SYNDIG1L: variants seen among roughly 807,000 people sequenced by gnomAD.
SYNDIG1L encodes synapse differentiation inducing 1 like, also known as synapse differentiation-inducing gene protein 1-like.
A neutral mutation model predicts 20.1 loss-of-function variants in SYNDIG1L; 13 were observed. That is an observed-to-expected ratio of 0.65 (90% CI 0.42 to 1.03). SYNDIG1L has a LOEUF of 1.03. SYNDIG1L is among the 50% of genes least tolerant of loss of function. The pLI is 0.00. For missense variants in SYNDIG1L, 294 were observed against 305.1 expected (o/e 0.96, Z 0.27); for synonymous variants, 128 against 129.3 (o/e 0.99, Z 0.07).
the SYNDIG1L span, among the ~76,000 whole-genome samples, chr14:74,472,975 C>T: frequency 5.3e-5 from 8 of 152,006 alleles, no homozygotes; most frequent in African/African-American, 1.5e-4. Flanking sequence ...ACACTAGGGT[C>T]GGGACATCAC....
In SYNDIG1L at chr14:74,409,372, G is replaced by T. The variant is rs1205310107; in HGVS notation, c.373C>A (p.Gln125Lys). Residue 125 changes from glutamine to lysine, a missense_variant, in exon 2 of 4, where the codon CAA becomes AAA. Transcript: ENST00000331628. ...TCCTCCTGGTCCCGCAGCTCCTCTT[G>T]TACCCCATAGGACACAGTCTGGATG... ...VTIQTVSYGV[Q>K]EELRDQEDDQ... 1 of 1,600,254 alleles carries T rather than the reference G, an allele frequency of 6.2e-7. No individual in the cohort carries two copies. Among genetic ancestry groups the T allele is most frequent in the African/African-American group, 1.3e-5 (1 of 74,236 alleles).
At chr14:74,463,855 ACCTGATCAG>A in the SYNDIG1L span, among the ~76,000 whole-genome samples, 3 of 152,202 alleles carry the variant, frequency 2.0e-5, no homozygotes, top group East Asian at 5.8e-4. Flanking sequence ...GCAACGTGCA[ACCTGATCAG>A]CCTGCTTTAG....
chr14:74,449,436 T>TAA, the SYNDIG1L span, among the ~76,000 whole-genome samples: 1 of 8,256 alleles, frequency 1.2e-4, no homozygotes. Context: ...ATCCTGTCTT[T>TAA]ACAAAAAAAA....
chr14:74,413,971 A>G (rs2086154488), intron 1 of SYNDIG1L, among the ~76,000 whole-genome samples: 1 of 152,232 alleles, frequency 6.6e-6, no homozygotes, highest in Non-Finnish European at 1.5e-5. Flanking sequence ...GAGACCCAGC[A>G]CAGATTCCTG....
chr14:74,468,919 C>T, the SYNDIG1L span, among the ~76,000 whole-genome samples: 2 of 152,220 alleles, frequency 1.3e-5, no homozygotes, highest in African/African-American at 4.8e-5. Flanking sequence ...AATAACCTCA[C>T]TGTATCTTGT....
At chr14:74,411,082 C>T (rs1935869867) in intron 1 of SYNDIG1L, among the ~76,000 whole-genome samples, 1 of 152,216 alleles carries the variant, frequency 6.6e-6, no homozygotes, top group African/African-American at 2.4e-5. Context: ...CAGGGACCTC[C>T]TGCTGTCCCC....
chr14:74,471,372 G>C, the SYNDIG1L span, among the ~76,000 whole-genome samples: 2 of 152,110 alleles, frequency 1.3e-5, no homozygotes, highest in Admixed American at 6.5e-5. Context: ...TGAAGCGGGT[G>C]GATCACTTGA....
chr14:74,476,721 C>A, the SYNDIG1L span: 1 of 658,534 alleles, frequency 1.5e-6, no homozygotes, highest in African/African-American at 1.8e-5. Flanking sequence ...TCCTGGTCTC[C>A]ACCCTCCCCT....
chr14:74,439,079 ACT>A, the SYNDIG1L span, among the ~76,000 whole-genome samples: 1 of 143,496 alleles, frequency 7.0e-6, no homozygotes, highest in Non-Finnish European at 1.5e-5. Flanking sequence ...GTGCCATTGC[ACT>A]CTAGCTTGGG....
At chr14:74,415,371 C>T (rs112035425) in intron 1 of SYNDIG1L, among the ~76,000 whole-genome samples, 6 of 152,090 alleles carry the variant, frequency 3.9e-5, no homozygotes, top group Non-Finnish European at 7.4e-5. Context: ...TTTACCCTAA[C>T]GGTTTATGAT....
the SYNDIG1L span, among the ~76,000 whole-genome samples, chr14:74,454,794 C>T: frequency 6.6e-6 from 1 of 152,222 alleles, no homozygotes; most frequent in East Asian, 1.9e-4. Flanking sequence ...CATCCTTTCC[C>T]TATAGTTTTT....
the SYNDIG1L span, among the ~76,000 whole-genome samples, chr14:74,457,948 C>T: frequency 6.6e-6 from 1 of 152,036 alleles, no homozygotes; most frequent in East Asian, 1.9e-4. Flanking sequence ...CAGCCAAGTG[C>T]CACCATGCCT....
At chr14:74,456,525 A>C in the SYNDIG1L span, among the ~76,000 whole-genome samples, 1 of 152,164 alleles carries the variant, frequency 6.6e-6, no homozygotes, top group Non-Finnish European at 1.5e-5. Flanking sequence ...GCAAAACTCC[A>C]TCTCAAAACA....
chr14:74,406,538 C>T lies in SYNDIG1L; in HGVS notation c.*997G>A, dbSNP rs2086081145. 6.5e-6 allele frequency: 1 copy of T among 153,574 alleles called. No homozygotes were observed. The highest frequency in any genetic ancestry group is 2.4e-5 in the African/African-American group (1 of 41,506). The allele number at this position is 153,574 out of a possible 1,614,324, so 9.5% of individuals were successfully genotyped here. A position where few individuals can be genotyped will look rare whatever the true frequency, so the allele number is the denominator to read the frequency against. Reference sequence around the variant, plus strand: ...GGGATACCTCCTCCAGGAAGCCTTCCTAAGCACCGCTGACTACTCAGCAGG... The same window carrying T: ...GGGATACCTCCTCCAGGAAGCCTTCTTAAGCACCGCTGACTACTCAGCAGG... On this transcript the variant is annotated 3_prime_UTR_variant, in exon 4 of 4. Transcript: ENST00000331628.
the SYNDIG1L span, chr14:74,474,555 A>T: frequency 6.6e-6 from 1 of 152,296 alleles, no homozygotes; most frequent in Non-Finnish European, 1.5e-5. Context: ...TGCTTCAGCC[A>T]GAGCAATCAG....
the SYNDIG1L span, among the ~76,000 whole-genome samples, chr14:74,460,487 C>T: frequency 6.6e-6 from 1 of 152,226 alleles, no homozygotes; most frequent in African/African-American, 2.4e-5. Context: ...TTCCTGCAGG[C>T]GGGCTACAAC....
intron 2 of SYNDIG1L, 43 bp from the exon 3 acceptor site, chr14:74,408,032 C>T: frequency 6.4e-7 from 1 of 1,553,802 alleles, no homozygotes; most frequent in South Asian, 1.2e-5. Context: ...AGGATCAGCC[C>T]AGCCCCATCA....
chr14:74,445,366 C>A, the SYNDIG1L span, among the ~76,000 whole-genome samples: 2 of 152,020 alleles, frequency 1.3e-5, no homozygotes, highest in Non-Finnish European at 2.9e-5. Flanking sequence ...GCAATGTGAA[C>A]AGACTAACAG....
chr14:74,443,042 A>C, the SYNDIG1L span, among the ~76,000 whole-genome samples: 1 of 152,232 alleles, frequency 6.6e-6, no homozygotes, highest in Non-Finnish European at 1.5e-5. Context: ...TTTGAACTGG[A>C]AATACAAATT....
Sources: gnomAD v4.1 joint callset for allele counts (sites outside exome capture counted in the v4.1 genomes callset) on GRCh38, gnomAD v4.1.1 for gene constraint, MANE v1.5 for transcripts, NCBI Gene and HGNC (gene_info 2026-07-23, HGNC 2026-07-21) for gene names.